Variants in MYO3A observed in about 807,000 individuals in gnomAD.
MYO3A encodes the protein myosin IIIA.
MYO3A carries 180 observed loss-of-function variants against 192.7 expected under a neutral mutation model. The observed-to-expected ratio is 0.93, with a 90% CI of 0.83 to 1.06. MYO3A has a LOEUF of 1.06. MYO3A is among the 50% of genes least tolerant of loss of function. The probability of loss-of-function intolerance (pLI) is 0.00; values close to 1 mark genes in which losing one functional copy is unlikely to be tolerated. For missense variants in MYO3A, 1,896 were observed against 1,905.0 expected (o/e 1.00, Z 0.09); for synonymous variants, 628 against 645.3 (o/e 0.97, Z 0.41).
intron 10 of MYO3A, among the ~76,000 whole-genome samples, chr10:26,030,305 A>G (rs1322835680): frequency 6.6e-6 from 1 of 151,988 alleles, no homozygotes; most frequent in Non-Finnish European, 1.5e-5. Flanking sequence ...GTTTTAGAAA[A>G]TATCTTTGTC....
chr10:25,992,976 T>G (rs552420635), intron 4 of MYO3A, among the ~76,000 whole-genome samples: 91 of 152,292 alleles, frequency 6.0e-4, no homozygotes, highest in African/African-American at 2.2e-3. Flanking sequence ...TCTCTTTTTT[T>G]GTTGCATCTC....
At chr10:26,070,035 G>A in intron 12 of MYO3A, 76 bp from the exon 13 acceptor site, 1 of 1,039,914 alleles carries the variant, frequency 9.6e-7, no homozygotes, top group Non-Finnish European at 1.5e-6. Context: ...TTAAAAATTG[G>A]AGCTATATTT....
chr10:26,160,667 A>C (rs917178669), intron 26 of MYO3A, among the ~76,000 whole-genome samples: 1 of 152,126 alleles, frequency 6.6e-6, no homozygotes, highest in Non-Finnish European at 1.5e-5. Flanking sequence ...AAAATAAAAA[A>C]ATAAGAAGAA....
intron 34 of MYO3A, among the ~76,000 whole-genome samples, chr10:26,206,711 A>T (rs1163766657): frequency 6.6e-6 from 1 of 152,032 alleles, no homozygotes; most frequent in Admixed American, 6.6e-5. Context: ...GGCCTCCCAA[A>T]GTGCTGGGAT....
intron 7 of MYO3A, among the ~76,000 whole-genome samples, chr10:26,020,119 A>G (rs1842224997): frequency 6.6e-6 from 1 of 152,208 alleles, no homozygotes; most frequent in Non-Finnish European, 1.5e-5. Context: ...CTTAGAAATG[A>G]ATTGGTTAAT....
chr10:26,016,139 G>A (rs1161645553), intron 6 of MYO3A, among the ~76,000 whole-genome samples: 1 of 152,134 alleles, frequency 6.6e-6, no homozygotes, highest in African/African-American at 2.4e-5. Flanking sequence ...TTGAAGGTCA[G>A]TTATGAGTGT....
chr10:26,025,376 G>A (rs12573019), intron 9 of MYO3A, among the ~76,000 whole-genome samples: 18,881 of 150,428 alleles, frequency 0.13, 1,625 homozygotes, highest in East Asian at 0.36. Flanking sequence ...TCTCATAATC[G>A]TAGACTCTGT....
intron 10 of MYO3A, among the ~76,000 whole-genome samples, chr10:26,065,516 C>G (rs539823509): frequency 2.4e-5 from 3 of 126,060 alleles, no homozygotes; most frequent in African/African-American, 9.1e-5. Flanking sequence ...ACCTGGGAGG[C>G]GGAGGTTGCA....
rs773432148 is a variant in MYO3A at position 26,016,864 on chromosome 10, TC to T, written c.555del (p.Val186Ter). On this transcript the variant is annotated frameshift_variant, in exon 7 of 35. Transcript: ENST00000642920. LOFTEE classifies it high-confidence loss of function. The part of the protein sequence containing the change: ...LTSTRHRRNT[S>X]VGTPFWMAPE... The stretch of plus-strand genomic sequence containing the variant: ...CAGTACCCGGCACCGTCGGAACACA[TC>T]CGTAGGAACACCGTTTTGGATGGCT... 3.7e-6 allele frequency: 6 copies of T among 1,614,220 alleles called. No homozygotes were observed. The highest frequency in any genetic ancestry group is 3.3e-5 in the Admixed American group (2 of 60,028).
intron 10 of MYO3A, among the ~76,000 whole-genome samples, chr10:26,046,418 G>A (rs1168886973): frequency 6.6e-6 from 1 of 152,182 alleles, no homozygotes; most frequent in Non-Finnish European, 1.5e-5. Context: ...AGGAAAAACT[G>A]TATTTTCAAC....
chr10:26,075,707 GTC>G (rs1237792218), intron 14 of MYO3A, among the ~76,000 whole-genome samples: 76 of 136,518 alleles, frequency 5.6e-4, no homozygotes, highest in African/African-American at 1.4e-3. Context: ...ATATATATAT[GTC>G]TCTCTCATAT....
chr10:26,120,119 G>T (rs576917696), intron 17 of MYO3A, among the ~76,000 whole-genome samples: 1 of 151,924 alleles, frequency 6.6e-6, no homozygotes, highest in East Asian at 1.9e-4. Flanking sequence ...AGCTGAGATA[G>T]TGCCACTGCA....
At chr10:26,074,177 C>G (rs1835386651) in intron 14 of MYO3A, among the ~76,000 whole-genome samples, 1 of 152,034 alleles carries the variant, frequency 6.6e-6, no homozygotes, top group African/African-American at 2.4e-5. Context: ...TTTGCCAATT[C>G]TGTGATTATA....
intron 34 of MYO3A, among the ~76,000 whole-genome samples, chr10:26,210,549 A>G (rs373091199): frequency 1.3e-5 from 2 of 152,194 alleles, no homozygotes; most frequent in Admixed American, 6.5e-5. Context: ...TGCTTGGATT[A>G]CTACAGAATC....
rs1239161241 is a variant in MYO3A at position 25,997,113 on chromosome 10, G to A, written c.409-46G>A. 2.0e-6 allele frequency: 3 copies of A among 1,488,752 alleles called. No individual in the cohort carries two copies. In the African/African-American group the frequency reaches 4.2e-5, roughly 21 times the overall value. 92.2% of individuals were successfully genotyped at this position (1,488,752 alleles called of 1,614,324 possible). A position where few individuals can be genotyped will look rare whatever the true frequency, so the allele number is the denominator to read the frequency against. On this transcript the variant is annotated intron_variant, in intron 5 of 34. Transcript: ENST00000642920. ...GGTACATCATCTGAAAATTTTTATT[G>A]TTTGATGCTTTTGTTAAGAGTCATT...
intron 2 of MYO3A, among the ~76,000 whole-genome samples, chr10:25,937,370 C>T (rs867599993): frequency 6.6e-6 from 1 of 152,144 alleles, no homozygotes; most frequent in South Asian, 2.1e-4. Flanking sequence ...GGAAATATCC[C>T]TTACTAACTT....
intron 10 of MYO3A, among the ~76,000 whole-genome samples, chr10:26,055,482 A>T (rs188735615): frequency 3.9e-4 from 59 of 152,234 alleles, no homozygotes; most frequent in African/African-American, 1.4e-3. Context: ...GGGAGCAATT[A>T]GTGGGGTGGG....
chr10:26,157,606 A>AATCCCAGCACTTTG, intron 26 of MYO3A, 91 bp downstream of exon 26: 1 of 1,404,720 alleles, frequency 7.1e-7, no homozygotes, highest in Non-Finnish European at 1.0e-6. Flanking sequence ...AAAAATCTTT[A>AATCCCAGCACTTTG]GAGGTCTAGG....
At chr10:26,055,870 G>A (rs746722472) in intron 10 of MYO3A, among the ~76,000 whole-genome samples, 4 of 152,222 alleles carry the variant, frequency 2.6e-5, no homozygotes, top group Admixed American at 2.6e-4. Flanking sequence ...CCTTATGCCT[G>A]TAGCATGTTA....
Sources: gnomAD v4.1 joint callset for allele counts (sites outside exome capture counted in the v4.1 genomes callset) on GRCh38, gnomAD v4.1.1 for gene constraint, MANE v1.5 for transcripts, NCBI Gene and HGNC (gene_info 2026-07-23, HGNC 2026-07-21) for gene names.